The following DDB1 variants were observed in gnomAD, a reference collection of about 807,000 sequenced individuals.
DDB1 encodes DNA damage-binding protein 1.
A neutral mutation model predicts 133.1 loss-of-function variants in DDB1; 18 were observed. That is an observed-to-expected ratio of 0.14 (90% CI 0.09 to 0.20). The LOEUF (loss-of-function observed/expected upper bound fraction) is 0.20. Among genes scored for constraint, DDB1 ranks in the 10% least tolerant of loss-of-function variants. The pLI, the probability that DDB1 is intolerant of heterozygous loss-of-function variation, is 1.00. For missense variants in DDB1, 828 were observed against 1,459.2 expected (o/e 0.57, Z 7.05); for synonymous variants, 580 against 550.5 (o/e 1.05, Z -0.75).
At chr11:61,301,834 C>G (rs1285806579) in intron 25 of DDB1, 1 of 163,666 alleles carries the variant, frequency 6.1e-6, no homozygotes, top group African/African-American at 2.4e-5. Context: ...CCCAGGGTGG[C>G]AGATTCTTTC....
rs767698849 is a variant in DDB1, at chr11:61,331,696, A to G, written c.62-5T>C. 3 of 1,614,126 alleles carry G rather than the reference A, an allele frequency of 1.9e-6. No homozygotes were observed. The highest frequency in any genetic ancestry group is 2.5e-6 in the Non-Finnish European group (3 of 1,180,008). On this transcript the variant is annotated splice_region_variant and splice_polypyrimidine_tract_variant and intron_variant, in intron 1 of 26. Coordinates refer to ENST00000301764, the MANE Select transcript of DDB1 (RefSeq NM_001923.5). ...CTTCGGCCGAAGTAAAGTGTCCTGA[A>G]AGAACAGACCCTCTAACTTTTGAAC...
chr11:61,310,450 T>C, intron 18 of DDB1, 32 bp from the exon 19 acceptor site: 1 of 1,571,548 alleles, frequency 6.4e-7, no homozygotes, highest in South Asian at 1.2e-5. Flanking sequence ...ATCATCCTTC[T>C]CAAACACAGA....
rs371983753 is a variant in DDB1 at position 61,312,042 on chromosome 11, G to A, written c.2112C>T (p.Ile704=). Residue 704 remains isoleucine, a synonymous_variant, in exon 17 of 27, where the codon ATC becomes ATT. Coordinates refer to ENST00000301764, the MANE Select transcript of DDB1 (RefSeq NM_001923.5). ...GAATGTGCAGCTTCTGGATCTCATC[G>A]ATGGTGCCAATGGTGAGGGTGCTAT... is the stretch of plus-strand genomic sequence containing the variant. The part of the protein sequence containing the change: ...ANNSTLTIGT[I]DEIQKLHIRT... 87 of 1,614,100 alleles carry A rather than the reference G, an allele frequency of 5.4e-5. No homozygotes were observed. The highest frequency in any genetic ancestry group is 8.9e-5 in the East Asian group (4 of 44,900).
At chr11:61,303,729 ATC>A in intron 22 of DDB1, 134 bp downstream of exon 22, 3 of 789,758 alleles carry the variant, frequency 3.8e-6, no homozygotes, top group African/African-American at 3.8e-5. Flanking sequence ...AAAAAACTTA[ATC>A]AATGTAGAAT....
chr11:61,321,864 T>C, intron 9 of DDB1, 167 bp from the exon 10 acceptor site: 1 of 633,708 alleles, frequency 1.6e-6, no homozygotes, highest in South Asian at 1.9e-5. Flanking sequence ...CTTTCAAATT[T>C]ACAGAGCAGA....
At position 61,324,277 on chromosome 11, in the gene DDB1, G is replaced by C; in HGVS notation, c.763-140C>G. The C allele has an allele frequency of 2.3e-6, 2 of 860,134 alleles. 1 individual carries two copies. The highest frequency in any genetic ancestry group is 3.4e-5 in the South Asian group (2 of 58,534). 53.3% of individuals were successfully genotyped at this position (860,134 alleles called of 1,614,324 possible). A position where few individuals can be genotyped will look rare whatever the true frequency, so the allele number is the denominator to read the frequency against. On this transcript the variant is annotated intron_variant, in intron 6 of 26. Transcript: ENST00000301764. ...CTCAGATAACATTACATGAAAATGA[G>C]GATAGATCCTATTGCCCATTAATAG...
chr11:61,322,314 C>G lies in DDB1; in HGVS notation c.1104G>C (p.Glu368Asp). ...CCCTTACCTGCCCCTGCCCCTGCCT[C>G]TCCAGGTCCACCACGCACATATCGA... ...PIVDMCVVDL[E>D]RQGQGQLVTC... Residue 368 changes from glutamate (E) to aspartate (D), a missense_variant, in exon 9 of 27, where the codon GAG (glutamate) becomes GAC (aspartate). Physicochemically the swap from Glu to Asp is conservative, Grantham distance 45. Transcript: ENST00000301764. 6.2e-7 allele frequency: 1 copy of G among 1,614,174 alleles called. No homozygotes were observed. The highest frequency in any genetic ancestry group is 8.5e-7 in the Non-Finnish European group (1 of 1,180,014).
intron 10 of DDB1, among the ~76,000 whole-genome samples, chr11:61,318,406 C>T (rs148551590): frequency 1.3e-5 from 2 of 152,226 alleles, no homozygotes; most frequent in Non-Finnish European, 2.9e-5. Context: ...AGAGGATGCA[C>T]AAGCATGTTT....
At chr11:61,323,120 G>A (rs758753352) in intron 7 of DDB1, 26 bp from the exon 8 acceptor site, 6 of 1,599,986 alleles carry the variant, frequency 3.8e-6, no homozygotes, top group Non-Finnish European at 5.1e-6. Context: ...CAACGTGAAA[G>A]AAATGAGAAT....
intron 16 of DDB1, 37 bp from the exon 17 acceptor site, chr11:61,312,121 C>G: frequency 6.3e-7 from 1 of 1,595,372 alleles, no homozygotes; most frequent in Non-Finnish European, 8.6e-7. Flanking sequence ...TGAGGAGACT[C>G]AAGGAAGGCA....
At chr11:61,329,236 A>C in intron 4 of DDB1, 127 bp downstream of exon 4, 1 of 890,156 alleles carries the variant, frequency 1.1e-6, no homozygotes, top group Non-Finnish European at 1.8e-6. Context: ...GTGTTGTTCA[A>C]AACATTTCAG....
intron 1 of DDB1, chr11:61,332,635 C>G (rs1181559377): frequency 2.8e-6 from 1 of 363,538 alleles, no homozygotes; most frequent in African/African-American, 2.1e-5. Context: ...CCAACTCACA[C>G]TCCTCTGTCT....
At chr11:61,309,137 A>G in intron 20 of DDB1, 60 bp from the exon 21 acceptor site, 2 of 1,521,718 alleles carry the variant, frequency 1.3e-6, no homozygotes, top group Non-Finnish European at 1.8e-6. Flanking sequence ...TCATCAAAAG[A>G]ATCCTCTGGT....
At chr11:61,323,855 G>A (rs1250404530) in intron 7 of DDB1, 124 bp downstream of exon 7, 3 of 1,063,470 alleles carry the variant, frequency 2.8e-6, no homozygotes, top group Non-Finnish European at 4.2e-6. Flanking sequence ...TCCACAGCAG[G>A]AACAACAGTT....
At chr11:61,328,460 A>G (rs1399420913) in intron 4 of DDB1, among the ~76,000 whole-genome samples, 2 of 152,192 alleles carry the variant, frequency 1.3e-5, no homozygotes, top group African/African-American at 4.8e-5. Flanking sequence ...TTTTACCAAG[A>G]TACTGGCATG....
chr11:61,316,441 C>T, intron 11 of DDB1, 48 bp from the exon 12 acceptor site: 4 of 1,613,826 alleles, frequency 2.5e-6, no homozygotes, highest in Non-Finnish European at 2.5e-6. Context: ...AGCTTCCCCA[C>T]CTCACAACCT....
intron 21 of DDB1, among the ~76,000 whole-genome samples, chr11:61,305,722 A>G (rs1291552574): frequency 2.0e-5 from 3 of 152,112 alleles, no homozygotes; most frequent in Non-Finnish European, 4.4e-5. Context: ...CGCCTTGGAG[A>G]GAGTCAAGAC....
At position 61,323,015 on chromosome 11, in the gene DDB1, A is replaced by G; in HGVS notation, c.1001T>C (p.Val334Ala). The G allele has an allele frequency of 6.2e-7, 1 of 1,613,538 alleles. No individual in the cohort carries two copies. The highest frequency in any genetic ancestry group is 8.5e-7 in the Non-Finnish European group (1 of 1,179,706). The part of the protein sequence containing the change: ...VGSRLGDSQL[V>A]KLNVDSNEQG... Reference sequence around the variant, plus strand: ...CAGAAACAAGTGTCTTCTCACCTTCACAAGCTGGGAGTCACCCAGGCGAGA... The same window carrying G: ...CAGAAACAAGTGTCTTCTCACCTTCGCAAGCTGGGAGTCACCCAGGCGAGA... The change falls in exon 8 of 27, where the codon GTG becomes GCG. Residue 334 changes from valine to alanine, a missense_variant. Physicochemically the swap from Val to Ala is moderately conservative, Grantham distance 64. Coordinates refer to ENST00000301764, the MANE Select transcript of DDB1 (RefSeq NM_001923.5).
At chr11:61,325,531 G>A in intron 6 of DDB1, 80 bp downstream of exon 6, 1 of 1,203,954 alleles carries the variant, frequency 8.3e-7, no homozygotes, top group Non-Finnish European at 1.2e-6. Flanking sequence ...ATCTCCTTTT[G>A]ATAAATAAGA....
Sources: gnomAD v4.1 joint callset for allele counts (sites outside exome capture counted in the v4.1 genomes callset) on GRCh38, gnomAD v4.1.1 for gene constraint, MANE v1.5 for transcripts, NCBI Gene and HGNC (gene_info 2026-07-23, HGNC 2026-07-21) for gene names.